EBF4: variants seen among roughly 807,000 people sequenced by gnomAD.
EBF4 encodes EBF transcription factor 4, also known as transcription factor COE4.
Under a neutral mutation model 67.1 loss-of-function variants are expected in EBF4, and 34 were observed. That is an observed-to-expected ratio of 0.51 (90% CI 0.39 to 0.67). The LOEUF is 0.67. EBF4 is among the 30% of genes least tolerant of loss of function. The probability of loss-of-function intolerance (pLI) is 0.00; values close to 1 mark genes in which losing one functional copy is unlikely to be tolerated. For synonymous variants in EBF4, 387 were observed against 377.7 expected, an observed-to-expected ratio of 1.02 and a Z score of -0.29; for missense variants, 837 against 873.3, an observed-to-expected ratio of 0.96 and a Z score of 0.52.
chr20:2,693,324 G>C (rs1280759748), upstream of EBF4, among the ~76,000 whole-genome samples: 1 of 150,210 alleles, frequency 6.7e-6, no homozygotes, highest in Non-Finnish European at 1.5e-5. This position sits in a 1 kb window ranked among gnomAD's most constrained non-coding sequence, Gnocchi z 4.6. Flanking sequence ...GCGCCTCTGG[G>C]GCGCCTCCGC....
At chr20:2,742,514 G>A (rs564655415) in intron 6 of EBF4, among the ~76,000 whole-genome samples, 3 of 152,264 alleles carry the variant, frequency 2.0e-5, no homozygotes, top group African/African-American at 4.8e-5. Flanking sequence ...GGAAGCTTCT[G>A]CGACTTGGCC....
In EBF4 at chr20:2,752,254, C is replaced by T. The variant is rs1166256973; in HGVS notation, c.1342C>T (p.Pro448Ser). ...CGCCGTCGGGGACGCCACCCCGGGG[C>T]CCGAGCCGGGTGCGTGGGCCGCGCC... Residue 448 changes from proline (P) to serine (S), a missense_variant, in exon 13 of 17, where the codon CCC (proline) becomes TCC (serine). Physicochemically the swap from Pro to Ser is moderately conservative, Grantham distance 74. This residue lies in a region of EBF4 where 525 missense variants were observed against 496.5 expected (regional missense o/e 1.06). Transcript: ENST00000609451. 7.1e-6 allele frequency: 9 copies of T among 1,275,432 alleles called. No homozygotes were observed. The South Asian group carries it at 2.3e-4, about 33-fold the overall frequency. The allele number at this position is 1,275,432 out of a possible 1,614,324, so 79.0% of individuals were successfully genotyped here.
chr20:2,706,042 G>A lies in EBF4; in HGVS notation c.358+5G>A. On this transcript the variant is annotated splice_donor_5th_base_variant and intron_variant, in intron 3 of 16. Transcript: ENST00000609451. ...TCCGGCTGGTGTATAACAATGGTGAGTGGAGGCCCCTGCCCTACCCAGCCC... is the reference window on the plus strand; with the variant it reads ...TCCGGCTGGTGTATAACAATGGTGAATGGAGGCCCCTGCCCTACCCAGCCC... 6.4e-7 allele frequency: 1 copy of A among 1,551,606 alleles called. No homozygotes were observed. Among genetic ancestry groups the A allele is most frequent in the Non-Finnish European group, 8.7e-7 (1 of 1,146,964 alleles).
intron 6 of EBF4, among the ~76,000 whole-genome samples, chr20:2,735,415 T>C (rs999811793): frequency 6.6e-6 from 1 of 152,230 alleles, no homozygotes; most frequent in Non-Finnish European, 1.5e-5. Flanking sequence ...CTTTCTGTTC[T>C]TATTACAACT....
At chr20:2,713,455 A>G (rs1037999840) in intron 6 of EBF4, among the ~76,000 whole-genome samples, 4 of 152,170 alleles carry the variant, frequency 2.6e-5, no homozygotes, top group Non-Finnish European at 5.9e-5. Flanking sequence ...GGCGTGATAT[A>G]GTTATCCAAG....
intron 6 of EBF4, among the ~76,000 whole-genome samples, chr20:2,722,497 A>G (rs2087694936): frequency 6.6e-6 from 1 of 151,998 alleles, no homozygotes. Flanking sequence ...TCCTCCGCAA[A>G]TCTCTAGGAT....
At chr20:2,705,006 C>T (rs969770613) in intron 1 of EBF4, among the ~76,000 whole-genome samples, 4 of 152,260 alleles carry the variant, frequency 2.6e-5, no homozygotes, top group Admixed American at 2.0e-4. Flanking sequence ...TTCCTCTACA[C>T]TTTGGGGGTG....
Position 2,705,628 on chromosome 20 carries a change from C to A in EBF4, c.189C>A (p.Leu63=), listed in dbSNP as rs762110726. 1.7e-5 allele frequency: 27 copies of A among 1,553,462 alleles called. No homozygotes were observed. In the African/African-American group the frequency reaches 3.3e-4, roughly 19 times the overall value. ...TTGAGAAGCAGCCTCCCTCCAACCT[C>A]AGGAAATCCAACTTCTTCCACTTCG... The change falls in exon 2 of 17, where the codon CTC becomes CTA. Residue 63 remains leucine (L), a synonymous_variant. Transcript: ENST00000609451.
At chr20:2,710,339 C>T (rs1454015377) in intron 6 of EBF4, among the ~76,000 whole-genome samples, 5 of 152,016 alleles carry the variant, frequency 3.3e-5, no homozygotes, top group East Asian at 1.9e-4. Flanking sequence ...TTGTAGAGAC[C>T]GGGTTTTGCC....
chr20:2,726,140 T>C (rs2087744008), intron 6 of EBF4, among the ~76,000 whole-genome samples: 1 of 152,236 alleles, frequency 6.6e-6, no homozygotes. Context: ...CTTCCATCAA[T>C]TGGAAATATC....
At chr20:2,711,360 G>T (rs1337267157) in intron 6 of EBF4, among the ~76,000 whole-genome samples, 1 of 152,216 alleles carries the variant, frequency 6.6e-6, no homozygotes, top group East Asian at 1.9e-4. Flanking sequence ...GTCAGATATT[G>T]CTGGACATTT....
chr20:2,758,724 C>T (rs1386715920), intron 15 of EBF4, 185 bp from the exon 16 acceptor site: 1 of 624,350 alleles, frequency 1.6e-6, no homozygotes, highest in Non-Finnish European at 2.9e-6. Flanking sequence ...GCTGCATCCC[C>T]TGAGCATCTG....
chr20:2,717,938 G>A (rs538424617), intron 6 of EBF4, among the ~76,000 whole-genome samples: 1 of 152,004 alleles, frequency 6.6e-6, no homozygotes, highest in South Asian at 2.1e-4. Context: ...AGCCTCCTGA[G>A]TAGCTGGGAT....
chr20:2,732,107 T>TA (rs2087821346), intron 6 of EBF4, among the ~76,000 whole-genome samples: 1 of 152,122 alleles, frequency 6.6e-6, no homozygotes, highest in Non-Finnish European at 1.5e-5. Context: ...TGTGCTTTTT[T>TA]TTTTTTTCTT....
chr20:2,748,134 G>C (rs1046596128), intron 6 of EBF4, among the ~76,000 whole-genome samples: 2 of 152,114 alleles, frequency 1.3e-5, no homozygotes, highest in Non-Finnish European at 2.9e-5. Flanking sequence ...ATTACATGGG[G>C]TATGTGTGCG....
At chr20:2,705,664 G>A (rs2146383294) in exon 2 of EBF4, 1 of 1,552,624 alleles carries the variant, frequency 6.4e-7, no homozygotes, top group African/African-American at 1.4e-5. Flanking sequence ...TGCTGGCCAT[G>A]TACGACCGGC....
At chr20:2,723,606 C>T (rs2087712367) in intron 6 of EBF4, among the ~76,000 whole-genome samples, 1 of 152,156 alleles carries the variant, frequency 6.6e-6, no homozygotes, top group African/African-American at 2.4e-5. Flanking sequence ...GCCTCGGCCT[C>T]CCAAAGTGCT....
At position 2,751,604 on chromosome 20, in the gene EBF4, G is replaced by A; in HGVS notation, c.1019-96G>A. 2.3e-6 allele frequency: 3 copies of A among 1,300,450 alleles called. No homozygotes were observed. The highest frequency in any genetic ancestry group is 3.2e-6 in the Non-Finnish European group (3 of 925,522). The allele number at this position is 1,300,450 out of a possible 1,614,324, so 80.6% of individuals were successfully genotyped here. A position where few individuals can be genotyped will look rare whatever the true frequency, so the allele number is the denominator to read the frequency against. On this transcript the variant is annotated intron_variant, in intron 10 of 16. Coordinates refer to ENST00000609451, the Ensembl canonical transcript of EBF4. The surrounding 1 kb of genome is among the most constrained non-coding windows in gnomAD (Gnocchi z 5.2). Reference sequence around the variant, plus strand: ...TGGAGGGGGCTGCAGCGAGGCTCTCGGACTGGGCGCTGGCCTGCTTTTGGC... The same window carrying A: ...TGGAGGGGGCTGCAGCGAGGCTCTCAGACTGGGCGCTGGCCTGCTTTTGGC...
intron 1 of EBF4, among the ~76,000 whole-genome samples, chr20:2,698,171 G>A (rs1194698807): frequency 6.6e-6 from 1 of 152,192 alleles, no homozygotes; most frequent in Non-Finnish European, 1.5e-5. Context: ...CCTTTCCCCT[G>A]CCCTCAGGGA....
Sources: allele counts gnomAD v4.1 joint callset (sites outside exome capture counted in the v4.1 genomes callset), GRCh38; gene constraint gnomAD v4.1.1; regional missense constraint gnomAD v4.1.1; non-coding constraint Gnocchi (gnomAD v3.1); transcripts MANE v1.5; gene names NCBI Gene and HGNC (gene_info 2026-07-23, HGNC 2026-07-21).